CDH13: variants seen among roughly 807,000 people sequenced by gnomAD.
CDH13 encodes the protein cadherin-13.
In CDH13, 24 loss-of-function variants were observed where a neutral mutation model predicts 63.8. That is an observed-to-expected ratio of 0.38 (90% confidence interval 0.27 to 0.53). The LOEUF is 0.53. Ranked by LOEUF, CDH13 falls within the 20% of genes least tolerant of loss-of-function variation. CDH13 has a pLI of 0.85. For missense variants in CDH13, 1,049 were observed against 903.1 expected (o/e 1.16, Z -2.07); for synonymous variants, 503 against 355.3 (o/e 1.42, Z -4.67).
chr16:83,069,355 A>C (rs900787286), intron 3 of CDH13, among the ~76,000 whole-genome samples: 2 of 152,180 alleles, frequency 1.3e-5, no homozygotes, highest in African/African-American at 4.8e-5. Context: ...ATAATTTGTA[A>C]ATATGATCAC....
chr16:82,983,631 A>T (rs1316972183), intron 2 of CDH13, among the ~76,000 whole-genome samples: 3 of 152,244 alleles, frequency 2.0e-5, no homozygotes, highest in African/African-American at 7.2e-5. Context: ...CTGCTGTGAG[A>T]TGATGTCACA....
intron 11 of CDH13, among the ~76,000 whole-genome samples, chr16:83,777,136 G>A (rs1459753239): frequency 2.6e-5 from 4 of 152,208 alleles, no homozygotes; most frequent in African/African-American, 9.7e-5. Context: ...ATCCATGGCT[G>A]GTCCGCCTGC....
rs1222923491 is a variant in CDH13 at position 83,344,913 on chromosome 16, C to A, written c.688C>A (p.Pro230Thr). The A allele has an allele frequency of 6.2e-7, 1 of 1,613,980 alleles. No individual in the cohort carries two copies. The highest frequency in any genetic ancestry group is 8.5e-7 in the Non-Finnish European group (1 of 1,179,838). ...TGGCAAAACTCTCGAGGGGCCGGTG[C>A]CTCTGGAAGTCATTGTGATTGATCA... ...VNGKTLEGPV[P>T]LEVIVIDQND... Residue 230 changes from proline to threonine, a missense_variant, in exon 6 of 14, where the codon CCT (proline) becomes ACT (threonine). Coordinates refer to ENST00000567109, the MANE Select transcript of CDH13 (RefSeq NM_001257.5).
In CDH13 at chr16:82,680,850, C is replaced by G. The variant is rs1288628494; in HGVS notation, c.45+53713C>G. ...ATAGAAGGCTGGTGGAGAGGACCGC[C>G]TAACCTGGGTGGTGGCCATAAAGCG... On this transcript the variant is annotated intron_variant, in intron 1 of 13. Coordinates refer to ENST00000567109, the MANE Select transcript of CDH13 (RefSeq NM_001257.5). Among the ~76,000 whole-genome samples the G allele has an allele frequency of 2.0e-5, 3 of 152,170 alleles. No homozygotes were observed. The South Asian group carries it at 6.2e-4, about 32-fold the overall frequency.
chr16:83,374,420 G>T (rs1034967181), intron 6 of CDH13, among the ~76,000 whole-genome samples: 1 of 152,152 alleles, frequency 6.6e-6, no homozygotes, highest in African/African-American at 2.4e-5. Flanking sequence ...TGCCTTTAAA[G>T]AGACCATATT....
chr16:83,557,535 C>G (rs910220938), intron 7 of CDH13, among the ~76,000 whole-genome samples: 2 of 152,112 alleles, frequency 1.3e-5, no homozygotes, highest in African/African-American at 4.8e-5. Context: ...AAACGAAGCT[C>G]TCTGTAAGCC....
intron 1 of CDH13, among the ~76,000 whole-genome samples, chr16:82,675,840 A>T (rs1015569626): frequency 1.3e-5 from 2 of 152,206 alleles, no homozygotes; most frequent in African/African-American, 4.8e-5. Context: ...ACTTGAGTTC[A>T]GAAGCCAAAA....
intron 1 of CDH13, among the ~76,000 whole-genome samples, chr16:82,716,079 G>A (rs1327637181): frequency 2.0e-5 from 3 of 152,194 alleles, no homozygotes; most frequent in Non-Finnish European, 4.4e-5. Context: ...GGCATGGTGA[G>A]ATGAGTCCTT....
intron 8 of CDH13, among the ~76,000 whole-genome samples, chr16:83,611,967 G>T (rs1275117187): frequency 1.3e-5 from 2 of 151,994 alleles, no homozygotes; most frequent in Non-Finnish European, 2.9e-5. Context: ...GCCCATGAAT[G>T]CTTTAAAATA....
intron 2 of CDH13, among the ~76,000 whole-genome samples, chr16:82,885,463 C>G (rs1184165453): frequency 1.4e-4 from 8 of 55,236 alleles, no homozygotes; most frequent in Non-Finnish European, 2.3e-4. Context: ...ATTCATCCAC[C>G]TACCCATCCA....
chr16:82,740,544 T>C (rs2033881292), intron 1 of CDH13, among the ~76,000 whole-genome samples: 1 of 152,182 alleles, frequency 6.6e-6, no homozygotes, highest in African/African-American at 2.4e-5. Flanking sequence ...GGCTTACACA[T>C]TGCTCCATAG....
intron 8 of CDH13, among the ~76,000 whole-genome samples, chr16:83,665,146 T>C (rs1248161878): frequency 5.3e-5 from 8 of 151,652 alleles, no homozygotes. Flanking sequence ...AATGAGCAAG[T>C]GTGTGAGTGC....
chr16:83,710,691 T>A (rs1226882741), intron 10 of CDH13: 1 of 152,188 alleles, frequency 6.6e-6, no homozygotes, highest in African/African-American at 2.4e-5. Flanking sequence ...AAACCAGAGT[T>A]TCCTTGTCTT....
chr16:83,655,584 G>A (rs981969979), intron 8 of CDH13, among the ~76,000 whole-genome samples: 3 of 152,202 alleles, frequency 2.0e-5, no homozygotes, highest in African/African-American at 7.2e-5. Flanking sequence ...AGAAAAGGCA[G>A]AGATGGGCAG....
intron 6 of CDH13, among the ~76,000 whole-genome samples, chr16:83,417,402 A>G (rs950113437): frequency 6.6e-6 from 1 of 151,908 alleles, no homozygotes; most frequent in African/African-American, 2.4e-5. Flanking sequence ...CCTCTACCCC[A>G]TTCTCTTCTT....
chr16:83,533,901 A>G (rs1486310291), intron 7 of CDH13, among the ~76,000 whole-genome samples: 27 of 152,194 alleles, frequency 1.8e-4, no homozygotes, highest in Admixed American at 1.8e-3. Flanking sequence ...GATTACAGGC[A>G]TGAGCCACAG....
intron 9 of CDH13, among the ~76,000 whole-genome samples, chr16:83,675,276 G>C (rs1166955860): frequency 3.9e-5 from 6 of 152,162 alleles, no homozygotes; most frequent in Admixed American, 2.6e-4. Context: ...AGCAGCTCCA[G>C]GTGGTCTGGC....
chr16:82,644,726 C>T lies in CDH13; in HGVS notation c.45+17589C>T, dbSNP rs1909876597. Among the ~76,000 whole-genome samples, 1 of 152,154 alleles carries T rather than the reference C, an allele frequency of 6.6e-6. No homozygotes were observed. The highest frequency in any genetic ancestry group is 1.5e-5 in the Non-Finnish European group (1 of 68,036). On this transcript the variant is annotated intron_variant, in intron 1 of 13. Coordinates refer to ENST00000567109, the MANE Select transcript of CDH13 (RefSeq NM_001257.5). This position sits in a 1 kb window ranked among gnomAD's most constrained non-coding sequence, Gnocchi z 5.7. ...TCCCAGGTAGCCAGCTCCCAGGTGA[C>T]AGGAGTCCGCTGGGCTCCCTCTGAT... is the stretch of plus-strand genomic sequence containing the variant.
intron 4 of CDH13, among the ~76,000 whole-genome samples, chr16:83,155,252 G>T (rs906271942): frequency 6.6e-6 from 1 of 152,220 alleles, no homozygotes; most frequent in Non-Finnish European, 1.5e-5. Flanking sequence ...TGTAGGTCTG[G>T]ATGGAGGTAG....
Sources: allele counts gnomAD v4.1 joint callset (sites outside exome capture counted in the v4.1 genomes callset), GRCh38; gene constraint gnomAD v4.1.1; non-coding constraint Gnocchi (gnomAD v3.1); transcripts MANE v1.5; gene names NCBI Gene and HGNC (gene_info 2026-07-23, HGNC 2026-07-21).